Variants in SOX5 observed in about 807,000 individuals in gnomAD.
SOX5 encodes the protein SRY-box transcription factor 5, also known as transcription factor SOX-5.
In SOX5, 9 loss-of-function variants were observed where a neutral mutation model predicts 92.0. The observed-to-expected ratio is 0.10, with a 90% CI of 0.06 to 0.17. The LOEUF is 0.17. Ranked by LOEUF, SOX5 falls within the 10% of genes least tolerant of loss-of-function variation. The probability of loss-of-function intolerance (pLI) is 1.00; values close to 1 mark genes in which losing one functional copy is unlikely to be tolerated. For synonymous variants in SOX5, 344 were observed against 336.3 expected, an observed-to-expected ratio of 1.02 and a Z score of -0.25; for missense variants, 642 against 944.5, an observed-to-expected ratio of 0.68 and a Z score of 4.20.
chr12:24,206,735 A>G (rs1335219301), intron 4 of SOX5, among the ~76,000 whole-genome samples: 1 of 152,208 alleles, frequency 6.6e-6, no homozygotes, highest in Non-Finnish European at 1.5e-5. Context: ...CTCCCCATTC[A>G]GAAAATGACA....
In SOX5 at chr12:23,731,588, C is replaced by A. The variant is rs550142916; in HGVS notation, c.810+3096G>T. On this transcript the variant is annotated intron_variant, in intron 6 of 14. Coordinates refer to ENST00000451604, the MANE Select transcript of SOX5 (RefSeq NM_006940.6). Reference sequence around the variant, plus strand: ...ATTGACTTCTCCTTTAGCAAGATCTCACAACAACAATGAGCAAAATGTAGG... The same window carrying A: ...ATTGACTTCTCCTTTAGCAAGATCTAACAACAACAATGAGCAAAATGTAGG... Among the ~76,000 whole-genome samples, 8 of 152,208 alleles carry A rather than the reference C, an allele frequency of 5.3e-5. No individual in the cohort carries two copies. The South Asian group carries it at 1.5e-3, about 28-fold the overall frequency.
chr12:23,673,255 T>C (rs983807721), intron 6 of SOX5, among the ~76,000 whole-genome samples: 2 of 152,168 alleles, frequency 1.3e-5, no homozygotes, highest in Admixed American at 6.5e-5. Flanking sequence ...AATATATAGC[T>C]ATTTCTTAAA....
At chr12:23,838,720 AGTGAC>A (rs1787801472) in intron 3 of SOX5, among the ~76,000 whole-genome samples, 2 of 151,964 alleles carry the variant, frequency 1.3e-5, no homozygotes, top group Admixed American at 1.3e-4. Context: ...CAGGTACAAT[AGTGAC>A]GTTTCTTTGT....
At chr12:23,790,548 T>TCTCTCTCTCA (rs1340837266) in intron 3 of SOX5, among the ~76,000 whole-genome samples, 1 of 137,322 alleles carries the variant, frequency 7.3e-6, no homozygotes, top group African/African-American at 2.8e-5. Flanking sequence ...TCTCAATCTC[T>TCTCTCTCTCA]CACACACACA....
chr12:23,973,386 C>A (rs984538791), intron 4 of SOX5, among the ~76,000 whole-genome samples: 2 of 152,006 alleles, frequency 1.3e-5, no homozygotes, highest in African/African-American at 4.8e-5. Context: ...GTCTCGAACT[C>A]CTGACCTCAT....
At chr12:23,884,159 T>C (rs2097032977) in intron 2 of SOX5, among the ~76,000 whole-genome samples, 1 of 152,218 alleles carries the variant, frequency 6.6e-6, no homozygotes, top group Non-Finnish European at 1.5e-5. Flanking sequence ...GTGTCTTGAC[T>C]ACTTTAAACA....
chr12:23,777,790 T>A (rs956750303), intron 3 of SOX5, among the ~76,000 whole-genome samples: 5 of 152,108 alleles, frequency 3.3e-5, no homozygotes, highest in Admixed American at 6.5e-5. Context: ...TAAAACAAAT[T>A]AAGCAGGGGA....
intron 4 of SOX5, 70 bp from the exon 5 acceptor site, chr12:23,741,109 CTGT>C: frequency 1.0e-5 from 12 of 1,192,552 alleles, no homozygotes; most frequent in Non-Finnish European, 1.2e-5. Flanking sequence ...GAAAATGGCT[CTGT>C]TGTATACAGA....
At chr12:24,034,217 G>A (rs3104535) in intron 4 of SOX5, among the ~76,000 whole-genome samples, 2 of 152,168 alleles carry the variant, frequency 1.3e-5, no homozygotes, top group Admixed American at 1.3e-4. Context: ...GAGTGAATGA[G>A]AAGGCATTTC....
At chr12:23,630,977 A>G (rs931236760) in intron 8 of SOX5, among the ~76,000 whole-genome samples, 1 of 152,022 alleles carries the variant, frequency 6.6e-6, no homozygotes, top group African/African-American at 2.4e-5. Context: ...GTATCTATAC[A>G]TAATTAAGTA....
At chr12:24,079,550 C>T (rs1943077008) in intron 4 of SOX5, among the ~76,000 whole-genome samples, 1 of 151,632 alleles carries the variant, frequency 6.6e-6, no homozygotes, top group Non-Finnish European at 1.5e-5. Context: ...GGTATTTATT[C>T]ACAAAGTTGC....
rs76833082 is a variant in SOX5, at chr12:24,440,551, A to T, written c.-250-71912T>A. On this transcript the variant is annotated intron_variant, in intron 1 of 4. Coordinates refer to the SOX5 transcript ENST00000446891. ...CCCTAGGAGCCAGGCTACCTGTACC[A>T]TGCTCCCTGAGTGGTTGTGTGGCAT... Among the ~76,000 whole-genome samples, 700 of 150,674 alleles carry T rather than the reference A, an allele frequency of 4.6e-3. 11 individuals carry two copies. In the East Asian group the frequency reaches 0.051, roughly 11 times the overall value.
chr12:23,567,002 A>T (rs907170160), intron 10 of SOX5, among the ~76,000 whole-genome samples: 1 of 152,240 alleles, frequency 6.6e-6, no homozygotes, highest in African/African-American at 2.4e-5. Context: ...AGCACTTGGT[A>T]TCTGCAGAGG....
At chr12:23,816,574 CTAA>C (rs1266699110) in intron 3 of SOX5, among the ~76,000 whole-genome samples, 1 of 151,968 alleles carries the variant, frequency 6.6e-6, no homozygotes, top group African/African-American at 2.4e-5. Flanking sequence ...GAAACCTGAA[CTAA>C]ATAGTAAGGA....
At chr12:23,721,992 T>C (rs1259557165) in intron 6 of SOX5, among the ~76,000 whole-genome samples, 2 of 152,168 alleles carry the variant, frequency 1.3e-5, no homozygotes, top group Non-Finnish European at 2.9e-5. Context: ...AGGGTAAATA[T>C]CATTGAGAAA....
intron 9 of SOX5, among the ~76,000 whole-genome samples, chr12:23,578,144 A>AAAG (rs1949511059): frequency 3.0e-5 from 4 of 134,908 alleles, no homozygotes; most frequent in Non-Finnish European, 6.5e-5. Context: ...AAAAAAAAAA[A>AAAG]AAAAAACTAT....
chr12:23,608,700 CAGGGATAA>C (rs2075578996), intron 8 of SOX5, among the ~76,000 whole-genome samples: 2 of 152,060 alleles, frequency 1.3e-5, no homozygotes, highest in African/African-American at 4.8e-5. Context: ...TATGTAAATT[CAGGGATAA>C]ATGAAATTGA....
At chr12:23,633,992 G>C (rs1393588211) in intron 8 of SOX5, among the ~76,000 whole-genome samples, 1 of 150,516 alleles carries the variant, frequency 6.6e-6, no homozygotes, top group Non-Finnish European at 1.5e-5. Context: ...GAGAGCTGTG[G>C]ATTTTTCATA....
At chr12:24,138,678 A>G (rs1689575818) in intron 4 of SOX5, among the ~76,000 whole-genome samples, 1 of 152,244 alleles carries the variant, frequency 6.6e-6, no homozygotes, top group African/African-American at 2.4e-5. Context: ...ATTCTTAAAA[A>G]TTCAGGTCTA....
Sources: gnomAD v4.1 joint callset for allele counts (sites outside exome capture counted in the v4.1 genomes callset) on GRCh38, gnomAD v4.1.1 for gene constraint, MANE v1.5 for transcripts, NCBI Gene and HGNC (gene_info 2026-07-23, HGNC 2026-07-21) for gene names.